The following AGMO variants were observed in gnomAD, a reference collection of about 807,000 sequenced individuals.
The protein encoded by AGMO is alkylglycerol monooxygenase.
AGMO carries 75 observed loss-of-function variants against 60.2 expected under a neutral mutation model. That is an observed-to-expected ratio of 1.25 (90% CI 1.03 to 1.51). AGMO has a LOEUF of 1.51. Among genes scored for constraint, AGMO ranks in the 40% most tolerant of loss-of-function variants. The pLI is 0.00. For synonymous variants in AGMO, 261 were observed against 177.1 expected (o/e 1.47, Z -3.76); for missense variants, 763 against 525.5 (o/e 1.45, Z -4.42).
In AGMO at chr7:15,531,011, ATATATTC is replaced by A. The variant is rs1184567794; in HGVS notation, c.409+13754_409+13760del. Among the ~76,000 whole-genome samples the A allele has an allele frequency of 2.8e-4, 11 of 38,794 alleles. 1 individual carries two copies. Among genetic ancestry groups the A allele is most frequent in the East Asian group, 8.6e-4 (1 of 1,162 alleles). The allele number at this position is 38,794 out of a possible 152,430, so 25.5% of individuals were successfully genotyped here. A position where few individuals can be genotyped will look rare whatever the true frequency, so the allele number is the denominator to read the frequency against. Reference sequence around the variant, plus strand: ...TCTATATATATTCTATATATTCTATATATATTCTATATATTCCATATATATTCTATAT... The same window carrying A: ...TCTATATATATTCTATATATTCTATATATATATTCCATATATATTCTATAT... On this transcript the variant is annotated intron_variant, in intron 3 of 12. Transcript: ENST00000342526.
chr7:15,427,858 T>C (rs556977736), intron 4 of AGMO, among the ~76,000 whole-genome samples: 4 of 152,240 alleles, frequency 2.6e-5, no homozygotes, highest in African/African-American at 9.6e-5. Context: ...TGGTGAGTAA[T>C]ATTAAGCTTA....
intron 12 of AGMO, among the ~76,000 whole-genome samples, chr7:15,332,459 A>G (rs1781528073): frequency 6.6e-6 from 1 of 152,156 alleles, no homozygotes; most frequent in African/African-American, 2.4e-5. Flanking sequence ...CATGTACTTC[A>G]CATCAACTTT....
At chr7:15,388,302 C>CA (rs1784006071) in intron 8 of AGMO, among the ~76,000 whole-genome samples, 1 of 152,044 alleles carries the variant, frequency 6.6e-6, no homozygotes, top group East Asian at 1.9e-4. Context: ...TCCTACTGCT[C>CA]AAGGTCATCG....
intron 3 of AGMO, among the ~76,000 whole-genome samples, chr7:15,495,125 T>C (rs528310601): frequency 6.6e-6 from 1 of 152,340 alleles, no homozygotes; most frequent in South Asian, 2.1e-4. Context: ...TGTAATAATA[T>C]AAACCCCCAT....
chr7:15,393,529 G>T (rs1784236407), intron 6 of AGMO, among the ~76,000 whole-genome samples: 1 of 152,092 alleles, frequency 6.6e-6, no homozygotes, highest in African/African-American at 2.4e-5. Context: ...ATGATGATAT[G>T]CACATTGCTA....
At chr7:15,469,577 T>C (rs1467955843) in intron 3 of AGMO, among the ~76,000 whole-genome samples, 1 of 152,052 alleles carries the variant, frequency 6.6e-6, no homozygotes, top group Non-Finnish European at 1.5e-5. Flanking sequence ...TCATTTGAAA[T>C]AGAACAGTAG....
At chr7:15,362,632 G>A (rs1465241116) in intron 12 of AGMO, among the ~76,000 whole-genome samples, 1 of 152,160 alleles carries the variant, frequency 6.6e-6, no homozygotes, top group Non-Finnish European at 1.5e-5. Flanking sequence ...AACTGGCCGT[G>A]CATGTGCCCA....
rs59128400 is a variant in AGMO at position 15,277,549 on chromosome 7, T to C, written c.1264-76190A>G. ...TGGATTGGATTTTTTTTTTCTATTTTAAATTTTCTCCATCCCTTGATGGTG... is the reference window on the plus strand; with the variant it reads ...TGGATTGGATTTTTTTTTTCTATTTCAAATTTTCTCCATCCCTTGATGGTG... On this transcript the variant is annotated intron_variant, in intron 12 of 12. Transcript: ENST00000342526. 1.2e-3 allele frequency among the ~76,000 whole-genome samples: 189 copies of C among 152,186 alleles called. 1 individual carries two copies. Among genetic ancestry groups the C allele is most frequent in the Middle Eastern group, 6.8e-3 (2 of 292 alleles).
intron 5 of AGMO, among the ~76,000 whole-genome samples, chr7:15,403,418 G>A (rs191611761): frequency 4.9e-3 from 746 of 152,024 alleles, no homozygotes; most frequent in Middle Eastern, 0.01. Context: ...ACAAGGTACT[G>A]CAGTAAGATC....
At chr7:15,238,703 G>A (rs901830736) in intron 12 of AGMO, among the ~76,000 whole-genome samples, 8 of 151,798 alleles carry the variant, frequency 5.3e-5, no homozygotes, top group African/African-American at 4.8e-5. Context: ...TAAGGCCAAT[G>A]TTCAGAGAAA....
At chr7:15,459,599 T>TGTGTGTGTGTG (rs1554274867) in intron 3 of AGMO, among the ~76,000 whole-genome samples, 7,363 of 142,146 alleles carry the variant, frequency 0.052, 269 homozygotes, top group Non-Finnish European at 0.059. Context: ...GTATGTGCGT[T>TGTGTGTGTGTG]TGTGTGTGTG....
intron 12 of AGMO, among the ~76,000 whole-genome samples, chr7:15,202,634 C>A (rs1781327886): frequency 1.3e-5 from 2 of 151,952 alleles, no homozygotes; most frequent in African/African-American, 2.4e-5. Context: ...TAGCCTATAA[C>A]ACCCACAATA....
the AGMO span, among the ~76,000 whole-genome samples, chr7:15,167,641 G>T: frequency 6.6e-6 from 1 of 152,162 alleles, no homozygotes; most frequent in African/African-American, 2.4e-5. Context: ...ATCTAAGATT[G>T]CAGGGCTAAG....
chr7:15,206,306 A>G (rs1344909490), intron 12 of AGMO, among the ~76,000 whole-genome samples: 2 of 152,068 alleles, frequency 1.3e-5, no homozygotes, highest in African/African-American at 4.8e-5. Context: ...ACTTACAAGA[A>G]ATTGAGAATT....
Position 15,300,722 on chromosome 7 carries a change from G to C in AGMO, c.1263+64792C>G, listed in dbSNP as rs1431652397. Among the ~76,000 whole-genome samples the C allele has an allele frequency of 3.9e-5, 6 of 152,256 alleles. No homozygotes were observed. In the East Asian group the frequency reaches 7.7e-4, roughly 20 times the overall value. Reference sequence around the variant, plus strand: ...TTCTACCGCTAACTGGCATGAGAAAGAGTAAAACTCCTGGAGGAAATTAGC... The same window carrying C: ...TTCTACCGCTAACTGGCATGAGAAACAGTAAAACTCCTGGAGGAAATTAGC... On this transcript the variant is annotated intron_variant, in intron 12 of 12. Coordinates refer to ENST00000342526, the MANE Select transcript of AGMO (RefSeq NM_001004320.2).
intron 3 of AGMO, among the ~76,000 whole-genome samples, chr7:15,447,910 A>G (rs1402797971): frequency 2.0e-5 from 3 of 152,156 alleles, no homozygotes; most frequent in Non-Finnish European, 4.4e-5. Flanking sequence ...AGAACCATGT[A>G]CCTATATTCA....
chr7:15,360,434 A>T (rs569173097), intron 12 of AGMO, among the ~76,000 whole-genome samples: 4 of 152,360 alleles, frequency 2.6e-5, no homozygotes, highest in African/African-American at 7.2e-5. Flanking sequence ...TGAACAGACG[A>T]TTAACACATA....
intron 3 of AGMO, among the ~76,000 whole-genome samples, chr7:15,445,589 T>C (rs1328771050): frequency 6.6e-6 from 1 of 152,172 alleles, no homozygotes; most frequent in East Asian, 1.9e-4. Flanking sequence ...AGATATTTAA[T>C]AGATCATTTT....
chr7:15,311,539 G>A (rs1017101895), intron 12 of AGMO, among the ~76,000 whole-genome samples: 1 of 152,210 alleles, frequency 6.6e-6, no homozygotes, highest in African/African-American at 2.4e-5. Flanking sequence ...GCTCAGATGT[G>A]CAGCCAAGTT....
Sources: allele counts gnomAD v4.1 joint callset (sites outside exome capture counted in the v4.1 genomes callset), GRCh38; gene constraint gnomAD v4.1.1; transcripts MANE v1.5; gene names NCBI Gene and HGNC (gene_info 2026-07-23, HGNC 2026-07-21).